The following RPS6KC1 variants were observed in gnomAD, a reference collection of about 807,000 sequenced individuals.
The protein encoded by RPS6KC1 is inactive ribosomal protein S6 kinase delta-1.
Under a neutral mutation model 103.8 loss-of-function variants are expected in RPS6KC1, and 54 were observed. The observed-to-expected ratio is 0.52, with a 90% confidence interval of 0.42 to 0.65. The LOEUF (loss-of-function observed/expected upper bound fraction) is 0.65. RPS6KC1 is among the 30% of genes least tolerant of loss of function. RPS6KC1 has a pLI of 0.00. For synonymous variants in RPS6KC1, 439 were observed against 438.7 expected (o/e 1.00, Z -0.01); for missense variants, 1,151 against 1,253.8 (o/e 0.92, Z 1.24).
the RPS6KC1 span, among the ~76,000 whole-genome samples, chr1:213,322,910 GCT>G: frequency 1.1e-5 from 1 of 87,806 alleles, no homozygotes; most frequent in Admixed American, 1.5e-4. Flanking sequence ...ACCATGCCCA[GCT>G]TTTTTTTTTT....
the RPS6KC1 span, among the ~76,000 whole-genome samples, chr1:213,806,353 T>G: frequency 6.6e-6 from 1 of 151,610 alleles, no homozygotes; most frequent in East Asian, 1.9e-4. Flanking sequence ...ATAAATAAAA[T>G]AAAAAGAAAA....
At chr1:213,198,303 T>A (rs998161131) in intron 8 of RPS6KC1, among the ~76,000 whole-genome samples, 1 of 152,218 alleles carries the variant, frequency 6.6e-6, no homozygotes, top group Non-Finnish European at 1.5e-5. Flanking sequence ...CTAATAGAAT[T>A]TCTGCTGAAC....
chr1:213,701,847 C>T, the RPS6KC1 span, among the ~76,000 whole-genome samples: 1 of 151,418 alleles, frequency 6.6e-6, no homozygotes, highest in Admixed American at 6.6e-5. Flanking sequence ...CAATTTTATT[C>T]AACTTTTCAA....
intron 6 of RPS6KC1, among the ~76,000 whole-genome samples, chr1:213,150,660 CAGA>C (rs2088609705): frequency 6.6e-6 from 1 of 151,994 alleles, no homozygotes; most frequent in Non-Finnish European, 1.5e-5. Flanking sequence ...GATCCCAAGG[CAGA>C]AGAATTTTTC....
chr1:213,470,000 G>C, the RPS6KC1 span, among the ~76,000 whole-genome samples: 2 of 152,282 alleles, frequency 1.3e-5, no homozygotes, highest in Admixed American at 1.3e-4. Context: ...GTGACAGAGA[G>C]ACCTGGGTGA....
chr1:213,757,986 C>T, the RPS6KC1 span, among the ~76,000 whole-genome samples: 1 of 152,174 alleles, frequency 6.6e-6, no homozygotes, highest in Non-Finnish European at 1.5e-5. Flanking sequence ...TTTGAGCCCA[C>T]TGTTGAGACC....
intron 6 of RPS6KC1, among the ~76,000 whole-genome samples, chr1:213,154,737 G>A (rs2089675431): frequency 6.6e-6 from 1 of 152,344 alleles, no homozygotes; most frequent in Middle Eastern, 3.4e-3. Context: ...CCCGCTTGGT[G>A]CTCTACCCTT....
At chr1:213,801,000 G>T in the RPS6KC1 span, among the ~76,000 whole-genome samples, 14 of 152,316 alleles carry the variant, frequency 9.2e-5, no homozygotes, top group Non-Finnish European at 1.9e-4. Flanking sequence ...ACTGCATGCT[G>T]CTCTTTTCCT....
the RPS6KC1 span, among the ~76,000 whole-genome samples, chr1:213,751,050 C>T: frequency 6.6e-6 from 1 of 152,056 alleles, no homozygotes; most frequent in East Asian, 1.9e-4. Flanking sequence ...TCTTCTTGGC[C>T]CTCTGGCAGA....
chr1:213,371,490 T>C, the RPS6KC1 span, among the ~76,000 whole-genome samples: 1 of 152,274 alleles, frequency 6.6e-6, no homozygotes, highest in Non-Finnish European at 1.5e-5. Context: ...CTGATAACTG[T>C]ATGTTGAATA....
chr1:213,214,168 A>G (rs990147248), intron 8 of RPS6KC1, among the ~76,000 whole-genome samples: 1 of 152,250 alleles, frequency 6.6e-6, no homozygotes, highest in African/African-American at 2.4e-5. Flanking sequence ...AAATTGGGTC[A>G]TTCCCACCCT....
the RPS6KC1 span, among the ~76,000 whole-genome samples, chr1:213,574,019 A>T: frequency 2.3e-4 from 35 of 152,332 alleles, no homozygotes; most frequent in African/African-American, 7.9e-4. Flanking sequence ...GTGGCCCTAG[A>T]TTTGCTGCAT....
rs201705855 is a variant in RPS6KC1, at chr1:213,104,414, A to G, written c.263-40A>G. ...GTAAACTATCATAAACCAGTGTTTG[A>G]TCATTCTTCCCTTAAGTGTTGATTC... On this transcript the variant is annotated intron_variant, in intron 3 of 14. Transcript: ENST00000366960. 1.2e-3 allele frequency: 1,556 copies of G among 1,312,830 alleles called. 13 individuals are homozygous for G. Among genetic ancestry groups the G allele is most frequent in the South Asian group, 9.8e-3 (817 of 83,564 alleles). The allele number at this position is 1,312,830 out of a possible 1,614,324, so 81.3% of individuals were successfully genotyped here. A position where few individuals can be genotyped will look rare whatever the true frequency, so the allele number is the denominator to read the frequency against.
At chr1:213,537,713 G>A in the RPS6KC1 span, among the ~76,000 whole-genome samples, 1 of 152,140 alleles carries the variant, frequency 6.6e-6, no homozygotes, top group Non-Finnish European at 1.5e-5. Context: ...GAATGTGGGT[G>A]TGTGAGTTTG....
At chr1:213,096,579 T>C (rs2081473589) in intron 3 of RPS6KC1, among the ~76,000 whole-genome samples, 1 of 151,866 alleles carries the variant, frequency 6.6e-6, no homozygotes, top group African/African-American at 2.4e-5. Context: ...GCAGGAGAAT[T>C]GCTTGAACCC....
chr1:213,663,302 C>T, the RPS6KC1 span, among the ~76,000 whole-genome samples: 2 of 152,216 alleles, frequency 1.3e-5, no homozygotes, highest in Non-Finnish European at 2.9e-5. Flanking sequence ...GCACCTGTCT[C>T]TCAGAGAGTG....
At chr1:213,762,426 T>C in the RPS6KC1 span, among the ~76,000 whole-genome samples, 5 of 152,168 alleles carry the variant, frequency 3.3e-5, no homozygotes, top group African/African-American at 1.2e-4. Context: ...CCCATAAATG[T>C]TGTTGAATGA....
At chr1:213,130,447 T>C (rs1239688384) in intron 6 of RPS6KC1, among the ~76,000 whole-genome samples, 1 of 152,214 alleles carries the variant, frequency 6.6e-6, no homozygotes, top group Admixed American at 6.5e-5. Flanking sequence ...TTTTAACCCT[T>C]AAATTTTTCC....
At chr1:213,298,964 T>C in the RPS6KC1 span, among the ~76,000 whole-genome samples, 1 of 152,232 alleles carries the variant, frequency 6.6e-6, no homozygotes, top group African/African-American at 2.4e-5. Context: ...AGCTCATCTT[T>C]GATCTATTCA....
Sources: allele counts gnomAD v4.1 joint callset (sites outside exome capture counted in the v4.1 genomes callset), GRCh38; gene constraint gnomAD v4.1.1; transcripts MANE v1.5; gene names NCBI Gene and HGNC (gene_info 2026-07-23, HGNC 2026-07-21).